CACNB2: variants seen among roughly 807,000 people sequenced by gnomAD.
CACNB2 encodes the protein voltage-dependent L-type calcium channel subunit beta-2.
CACNB2 carries 42 observed loss-of-function variants against 73.3 expected under a neutral mutation model. That is an observed-to-expected ratio of 0.57 (90% confidence interval 0.45 to 0.74). The LOEUF is 0.74. Among genes scored for constraint, CACNB2 ranks in the 30% least tolerant of loss-of-function variants. The pLI is 0.00. For synonymous variants in CACNB2, 348 were observed against 310.3 expected (o/e 1.12, Z -1.28); for missense variants, 940 against 853.0 (o/e 1.10, Z -1.27).
intron 7 of CACNB2, among the ~76,000 whole-genome samples, chr10:18,516,628 T>G (rs1462704428): frequency 6.6e-6 from 1 of 152,262 alleles, no homozygotes; most frequent in Non-Finnish European, 1.5e-5. Context: ...AGAAATATGC[T>G]TATGATGCCT....
At chr10:18,504,782 C>T (rs1241000788) in intron 5 of CACNB2, among the ~76,000 whole-genome samples, 9 of 152,014 alleles carry the variant, frequency 5.9e-5, no homozygotes, top group East Asian at 1.9e-4. Context: ...GTAGCTGGGA[C>T]TACAGGCATG....
intron 2 of CACNB2, among the ~76,000 whole-genome samples, chr10:18,388,100 G>A (rs955433581): frequency 6.6e-6 from 1 of 152,216 alleles, no homozygotes; most frequent in African/African-American, 2.4e-5. Context: ...TTACCAAACT[G>A]TCAGGCCATT....
intron 2 of CACNB2, among the ~76,000 whole-genome samples, chr10:18,234,742 A>G (rs1201887495): frequency 1.3e-5 from 2 of 152,212 alleles, no homozygotes; most frequent in Non-Finnish European, 2.9e-5. Context: ...TGATTGTTCC[A>G]TGAGTACGGA....
At chr10:18,211,248 G>C (rs1164232383) in intron 2 of CACNB2, among the ~76,000 whole-genome samples, 1 of 152,198 alleles carries the variant, frequency 6.6e-6, no homozygotes. Context: ...AGTAGGTTTT[G>C]AAGTGCAGGG....
chr10:18,141,754 T>A (rs2030435958), intron 1 of CACNB2, among the ~76,000 whole-genome samples: 1 of 152,188 alleles, frequency 6.6e-6, no homozygotes, highest in South Asian at 2.1e-4. Context: ...TCGCTCAACT[T>A]TTCTCCCGGC....
chr10:18,465,202 C>T (rs1444861869), intron 3 of CACNB2, among the ~76,000 whole-genome samples: 6 of 152,152 alleles, frequency 3.9e-5, no homozygotes, highest in African/African-American at 1.4e-4. Flanking sequence ...TGGTGATGCA[C>T]ACCTGTAGTC....
At chr10:18,532,179 T>G (rs1020920552) in intron 10 of CACNB2, among the ~76,000 whole-genome samples, 1 of 152,218 alleles carries the variant, frequency 6.6e-6, no homozygotes, top group Non-Finnish European at 1.5e-5. Flanking sequence ...TAATACAGTG[T>G]TGCACCAGGA....
chr10:18,159,395 T>C (rs912703128), intron 2 of CACNB2, among the ~76,000 whole-genome samples: 1 of 152,210 alleles, frequency 6.6e-6, no homozygotes, highest in Non-Finnish European at 1.5e-5. Flanking sequence ...GCGCCATTGT[T>C]CTTTGGGGTT....
intron 6 of CACNB2, among the ~76,000 whole-genome samples, chr10:18,511,981 CTTGAAG>C (rs1172112243): frequency 6.6e-6 from 1 of 152,144 alleles, no homozygotes; most frequent in Non-Finnish European, 1.5e-5. Flanking sequence ...AAATAAGAGC[CTTGAAG>C]TTGATCTTTA....
At chr10:18,290,528 T>A (rs980079983) in intron 2 of CACNB2, among the ~76,000 whole-genome samples, 1 of 152,148 alleles carries the variant, frequency 6.6e-6, no homozygotes, top group Non-Finnish European at 1.5e-5. Context: ...TGAAATAAAA[T>A]AATAACATGC....
rs745547980 is a variant in CACNB2, at chr10:18,539,189, C to G, written c.1489-41C>G. 6.2e-6 allele frequency: 10 copies of G among 1,613,306 alleles called. No individual in the cohort carries two copies. In the Admixed American group the frequency reaches 1.3e-4, roughly 22 times the overall value. On this transcript the variant is annotated intron_variant, in intron 13 of 13. Coordinates refer to ENST00000324631, the MANE Select transcript of CACNB2 (RefSeq NM_201596.3). ...TGCTCTGGGACATGTTCTTTACACA[C>G]TGACCTTGGTTAACGCCTGGTGTGC...
At chr10:18,387,636 G>A (rs933734739) in intron 2 of CACNB2, among the ~76,000 whole-genome samples, 5 of 152,190 alleles carry the variant, frequency 3.3e-5, no homozygotes, top group Non-Finnish European at 7.3e-5. Context: ...TCTGGTTTGT[G>A]TCTTAATAGT....
chr10:18,259,250 T>C (rs888642714), intron 2 of CACNB2, among the ~76,000 whole-genome samples: 8 of 152,038 alleles, frequency 5.3e-5, no homozygotes, highest in East Asian at 1.9e-4. Context: ...TTAATAATAA[T>C]ATAAAAGTGT....
chr10:18,407,060 T>C (rs1002981671), intron 3 of CACNB2, among the ~76,000 whole-genome samples: 1 of 151,356 alleles, frequency 6.6e-6, no homozygotes, highest in East Asian at 1.9e-4. Context: ...TCTGCAGATT[T>C]GTGAAGGTTT....
At position 18,316,886 on chromosome 10, in the gene CACNB2, T is replaced by A. The variant is rs2040207851; in HGVS notation, c.214-85038T>A. ...AGCACTGTCTTAGCCCCAGCAGACC[T>A]TGCCAACTTACTTCATCCTTGGGTA... On this transcript the variant is annotated intron_variant, in intron 2 of 13. Transcript: ENST00000324631. Among the ~76,000 whole-genome samples, 3 of 152,198 alleles carry A rather than the reference T, an allele frequency of 2.0e-5. No individual in the cohort carries two copies. In the South Asian group the frequency reaches 6.2e-4, roughly 31 times the overall value.
At chr10:18,492,639 GA>G (rs1183474966) in intron 3 of CACNB2, among the ~76,000 whole-genome samples, 7 of 99,164 alleles carry the variant, frequency 7.1e-5, no homozygotes, top group African/African-American at 3.7e-4. Flanking sequence ...AAAAAAAAAA[GA>G]AAAAAAGAAA....
chr10:18,459,131 A>G (rs959814634), intron 3 of CACNB2, among the ~76,000 whole-genome samples: 68 of 152,154 alleles, frequency 4.5e-4, no homozygotes, highest in Non-Finnish European at 4.6e-4. Context: ...AACATTGAAG[A>G]TACTATGAAT....
chr10:18,214,708 C>T lies in CACNB2; in HGVS notation c.213+63733C>T, dbSNP rs147257784. Among the ~76,000 whole-genome samples, 741 of 151,688 alleles carry T rather than the reference C, an allele frequency of 4.9e-3. 7 individuals carry two copies. The highest frequency in any genetic ancestry group is 0.017 in the African/African-American group (697 of 41,088). ...TGGTCGGGGAGGTTGCCTACCATTG[C>T]CCTGTTGGAACAGATTTGTAACTCC... On this transcript the variant is annotated intron_variant, in intron 2 of 13. Coordinates refer to ENST00000324631, the MANE Select transcript of CACNB2 (RefSeq NM_201596.3).
At chr10:18,474,925 G>A (rs4418698) in intron 3 of CACNB2, among the ~76,000 whole-genome samples, 63,727 of 151,160 alleles carry the variant, frequency 0.42, 13,997 homozygotes, top group South Asian at 0.65. Flanking sequence ...GATGCCAGTC[G>A]CACAAGTGAT....
Sources: gnomAD v4.1 joint callset for allele counts (sites outside exome capture counted in the v4.1 genomes callset) on GRCh38, gnomAD v4.1.1 for gene constraint, MANE v1.5 for transcripts, NCBI Gene and HGNC (gene_info 2026-07-23, HGNC 2026-07-21) for gene names.